BBOF1: variants seen among roughly 807,000 people sequenced by gnomAD.
BBOF1 encodes the protein basal body-orientation factor 1.
A neutral mutation model predicts 68.0 loss-of-function variants in BBOF1; 62 were observed. The ratio of observed to expected loss-of-function variants is 0.91; its 90% CI spans 0.74 to 1.13. The LOEUF (loss-of-function observed/expected upper bound fraction) is 1.13, where lower values mean the gene tolerates loss of function less well. Ranked by LOEUF, BBOF1 falls within the 50% of genes most tolerant of loss-of-function variation. BBOF1 has a pLI of 0.00. For missense variants in BBOF1, 534 were observed against 600.1 expected, an observed-to-expected ratio of 0.89 and a Z score of 1.15; for synonymous variants, 208 against 198.8, an observed-to-expected ratio of 1.05 and a Z score of -0.39.
intron 9 of BBOF1, 43 bp downstream of exon 9, chr14:74,055,728 A>G (rs368669737): frequency 1.4e-6 from 2 of 1,430,118 alleles, no homozygotes; most frequent in African/African-American, 2.8e-5. Context: ...TTGTTATCAA[A>G]TCTAGAAACC....
At chr14:74,061,251 T>C (rs2060334026) in intron 11 of BBOF1, among the ~76,000 whole-genome samples, 1 of 151,930 alleles carries the variant, frequency 6.6e-6, no homozygotes, top group Admixed American at 6.6e-5. Flanking sequence ...GTGCTGGAAT[T>C]ACAAGTGTGA....
At chr14:74,082,395 T>G (rs894240695) in intron 12 of BBOF1, among the ~76,000 whole-genome samples, 10 of 75,624 alleles carry the variant, frequency 1.3e-4, no homozygotes, top group Non-Finnish European at 9.2e-5. Context: ...AAATCGAGGT[T>G]TTTTTTTTTT....
chr14:74,019,435 C>G lies in BBOF1; in HGVS notation c.-44C>G. 2 of 1,580,230 alleles carry G rather than the reference C, an allele frequency of 1.3e-6. No homozygotes were observed. Among genetic ancestry groups the G allele is most frequent in the South Asian group, 1.2e-5 (1 of 86,690 alleles). ...TGGAGACAGAGCTGGCCAGGGCGGC[C>G]GCGGCTGGGCAACTACGACAGCGGA... On this transcript the variant is annotated 5_prime_UTR_variant, in exon 1 of 12. Transcript: ENST00000394009.
intron 9 of BBOF1, chr14:74,074,930 C>T: frequency 6.2e-6 from 10 of 1,610,860 alleles, no homozygotes; most frequent in Non-Finnish European, 7.6e-6. Flanking sequence ...TCTCAGAAGT[C>T]AACCTCTATG....
chr14:74,029,389 T>C (rs1178177226), intron 3 of BBOF1, 140 bp downstream of exon 3: 8 of 550,156 alleles, frequency 1.5e-5, no homozygotes, highest in Non-Finnish European at 2.3e-5. Flanking sequence ...TGTATAGAAA[T>C]TCAAAAAACC....
intron 8 of BBOF1, among the ~76,000 whole-genome samples, chr14:74,052,378 G>A (rs2060086025): frequency 6.6e-6 from 1 of 151,746 alleles, no homozygotes; most frequent in Non-Finnish European, 1.5e-5. Flanking sequence ...TGGGCGCAGT[G>A]GCTCACGCCT....
At chr14:74,074,940 G>A (rs377167964) in intron 9 of BBOF1, 11 of 1,612,908 alleles carry the variant, frequency 6.8e-6, no homozygotes, top group Non-Finnish European at 9.3e-6. Context: ...CAACCTCTAT[G>A]CCAAATAAAC....
At chr14:74,034,331 A>C (rs2286415) in intron 4 of BBOF1, among the ~76,000 whole-genome samples, 160 bp downstream of exon 4, 34,587 of 152,164 alleles carry the variant, frequency 0.23, 4,323 homozygotes, top group South Asian at 0.46. Context: ...TGGATGCCAA[A>C]GGTCTTGACT....
At chr14:74,041,333 G>A (rs1396922738) in intron 5 of BBOF1, among the ~76,000 whole-genome samples, 2 of 152,192 alleles carry the variant, frequency 1.3e-5, no homozygotes, top group South Asian at 2.1e-4. Flanking sequence ...GCACAACACA[G>A]CTTCCAACTC....
At chr14:74,075,006 C>T (rs1361299752) in intron 9 of BBOF1, 2 of 1,613,942 alleles carry the variant, frequency 1.2e-6, no homozygotes, top group Admixed American at 1.7e-5. Context: ...TGGATTTCAC[C>T]TTGGAAGAAA....
At chr14:74,030,621 G>A (rs1225726379) in intron 3 of BBOF1, among the ~76,000 whole-genome samples, 3 of 151,632 alleles carry the variant, frequency 2.0e-5, no homozygotes, top group Admixed American at 6.6e-5. Flanking sequence ...TCAGCCTCTC[G>A]AGTAGCTGGG....
At chr14:74,067,856 C>T (rs907168112), downstream of BBOF1, among the ~76,000 whole-genome samples, 7 of 151,800 alleles carry the variant, frequency 4.6e-5, no homozygotes, top group East Asian at 1.9e-4. Context: ...TCCTGGGAGG[C>T]GGAGGTTGCA....
chr14:74,051,177 G>A (rs2060060221), intron 8 of BBOF1, among the ~76,000 whole-genome samples: 1 of 151,698 alleles, frequency 6.6e-6, no homozygotes. Context: ...CCAGGAGATG[G>A]AGGTTTCAAT....
chr14:74,082,715 A>G (rs1334796040), intron 12 of BBOF1: 4 of 152,130 alleles, frequency 2.6e-5, no homozygotes, highest in African/African-American at 9.6e-5. Flanking sequence ...GCTACTTTTT[A>G]TCGAACTTTT....
rs1008793330 is a variant in BBOF1, at chr14:74,072,048, A to G, written n.1380-6148A>G. The G allele has an allele frequency of 2.5e-6, 4 of 1,576,202 alleles. No individual in the cohort carries two copies. In the Admixed American group the frequency reaches 6.7e-5, roughly 26 times the overall value. On this transcript the variant is annotated intron_variant and non_coding_transcript_variant, in intron 9 of 12. Coordinates refer to the BBOF1 transcript ENST00000492026. ...TTAAATTCTGAGGTAGCAAAGGAAG[A>G]ATAAGACTGGAGGAGATGCAGTACA...
At chr14:74,053,040 T>C (rs2060104024) in intron 8 of BBOF1, among the ~76,000 whole-genome samples, 1 of 151,858 alleles carries the variant, frequency 6.6e-6, no homozygotes, top group Admixed American at 6.6e-5. Context: ...CAAAAAATAA[T>C]AATAAATAAA....
At position 74,065,102 on chromosome 14, in the gene BBOF1, T is replaced by C; in HGVS notation, c.*403T>C. The C allele has an allele frequency of 6.5e-7, 1 of 1,549,136 alleles. No individual in the cohort carries two copies. On this transcript the variant is annotated 3_prime_UTR_variant, in exon 12 of 12. Coordinates refer to ENST00000394009, the MANE Select transcript of BBOF1 (RefSeq NM_025057.3). ...GGTCATGGGGGCAATCTTAAACCAA[T>C]GACTCACCATTATTTACTGTTTCCT...
downstream of BBOF1, among the ~76,000 whole-genome samples, chr14:74,068,019 T>C (rs2060496957): frequency 7.3e-6 from 1 of 137,648 alleles, no homozygotes; most frequent in Non-Finnish European, 1.6e-5. Flanking sequence ...AAAAAAGAAC[T>C]TACAGCCTTA....
chr14:74,071,306 G>A, intron 9 of BBOF1: 1 of 1,614,186 alleles, frequency 6.2e-7, no homozygotes, highest in Non-Finnish European at 8.5e-7. Context: ...GGTTTCATTA[G>A]GAAGGTATTT....
Sources: allele counts gnomAD v4.1 joint callset (sites outside exome capture counted in the v4.1 genomes callset), GRCh38; gene constraint gnomAD v4.1.1; transcripts MANE v1.5; gene names NCBI Gene and HGNC (gene_info 2026-07-23, HGNC 2026-07-21).